SPATA18: variants seen among roughly 807,000 people sequenced by gnomAD.
The protein encoded by SPATA18 is mitochondria-eating protein.
SPATA18 carries 54 observed loss-of-function variants against 68.1 expected under a neutral mutation model. That is an observed-to-expected ratio of 0.79 (90% CI 0.64 to 0.99). The LOEUF (loss-of-function observed/expected upper bound fraction) is 0.99, where lower values mean the gene tolerates loss of function less well. Ranked by LOEUF, SPATA18 falls within the 50% of genes least tolerant of loss-of-function variation. SPATA18 has a pLI of 0.00. For synonymous variants in SPATA18, 242 were observed against 244.8 expected (o/e 0.99, Z 0.11); for missense variants, 724 against 681.1 (o/e 1.06, Z -0.70).
chr4:52,079,536 G>A (rs553829750), intron 8 of SPATA18, among the ~76,000 whole-genome samples: 1 of 152,240 alleles, frequency 6.6e-6, no homozygotes, highest in South Asian at 2.1e-4. Flanking sequence ...CTTTTACTGT[G>A]TCATTTCTAC....
At chr4:52,090,995 T>C (rs554448476) in intron 11 of SPATA18, among the ~76,000 whole-genome samples, 3 of 152,162 alleles carry the variant, frequency 2.0e-5, no homozygotes, top group African/African-American at 7.2e-5. Flanking sequence ...TTCCTTTTTA[T>C]TCTTTTTTCT....
chr4:52,076,980 G>A lies in SPATA18; in HGVS notation c.960G>A (p.Leu320=), dbSNP rs745550269. 1.9e-6 allele frequency: 3 copies of A among 1,613,556 alleles called. No individual in the cohort carries two copies. The highest frequency in any genetic ancestry group is 2.7e-5 in the African/African-American group (2 of 75,056). The change falls in exon 7 of 13, where the codon CTG becomes CTA. Residue 320 remains leucine, a synonymous_variant. Coordinates refer to ENST00000295213, the MANE Select transcript of SPATA18 (RefSeq NM_145263.4). ...AGGCCCGCCTGGACGCGCAGTGCCT[G>A]CTGCGGCGCTGCATCGACAAGGCTG... The part of the protein sequence containing the change: ...YSQARLDAQC[L]LRRCIDKAET...
intron 7 of SPATA18, among the ~76,000 whole-genome samples, chr4:52,077,655 A>G (rs1223785200): frequency 6.6e-6 from 1 of 152,142 alleles, no homozygotes; most frequent in Non-Finnish European, 1.5e-5. Flanking sequence ...ATGCACACAC[A>G]GTGGATATAT....
chr4:52,076,748 AT>A (rs778179828), intron 6 of SPATA18, 30 bp from the exon 7 acceptor site: 17 of 1,605,470 alleles, frequency 1.1e-5, no homozygotes, highest in Non-Finnish European at 1.2e-5. Flanking sequence ...AAATCAAAGG[AT>A]TTCCCTGGCT....
chr4:52,074,838 G>GGA (rs1740190390), intron 6 of SPATA18, among the ~76,000 whole-genome samples: 1 of 152,186 alleles, frequency 6.6e-6, no homozygotes, highest in African/African-American at 2.4e-5. Flanking sequence ...TTACCAGCAT[G>GGA]GAGAGAAATG....
chr4:52,079,987 A>G, intron 9 of SPATA18, 68 bp downstream of exon 9: 3 of 1,524,376 alleles, frequency 2.0e-6, no homozygotes, highest in Non-Finnish European at 2.7e-6. Flanking sequence ...TTTCCTGAAA[A>G]CAATTTAAGG....
In SPATA18 at chr4:52,077,029, A is replaced by C; in HGVS notation, c.1009A>C (p.Ile337Leu). Residue 337 changes from isoleucine (I) to leucine (L), a missense_variant, in exon 7 of 13, where the codon ATC becomes CTC. Coordinates refer to ENST00000295213, the MANE Select transcript of SPATA18 (RefSeq NM_145263.4). ...TGAGACCGTTCAGCGGATCATCTAC[A>C]TCGCCACAGTGGTATGTGACGCCTG... ...KAETVQRIIY[I>L]ATVEAFHVAK... The C allele has an allele frequency of 6.2e-7, 1 of 1,604,566 alleles. No homozygotes were observed.
chr4:52,070,989 A>G (rs1739791024), intron 5 of SPATA18, among the ~76,000 whole-genome samples: 1 of 152,086 alleles, frequency 6.6e-6, no homozygotes, highest in Non-Finnish European at 1.5e-5. Flanking sequence ...AATCTTAACT[A>G]GGAACACTGT....
intron 1 of SPATA18, among the ~76,000 whole-genome samples, chr4:52,059,260 C>T (rs750699674): frequency 9.8e-5 from 15 of 152,306 alleles, no homozygotes; most frequent in Non-Finnish European, 1.5e-4. Flanking sequence ...CTGCCTTGTA[C>T]GCTGTTTTCT....
intron 11 of SPATA18, among the ~76,000 whole-genome samples, chr4:52,088,905 C>T (rs976440327): frequency 3.3e-5 from 5 of 152,174 alleles, no homozygotes; most frequent in African/African-American, 1.2e-4. Flanking sequence ...GTGAATCCGT[C>T]TGGTCCTGGA....
chr4:52,060,545 C>T, intron 2 of SPATA18, 21 bp downstream of exon 2: 1 of 1,600,086 alleles, frequency 6.2e-7, no homozygotes, highest in Non-Finnish European at 8.6e-7. Context: ...CCTGTAATTT[C>T]CCATCCAGTT....
At chr4:52,084,392 A>C (rs1741238767) in intron 10 of SPATA18, among the ~76,000 whole-genome samples, 1 of 152,212 alleles carries the variant, frequency 6.6e-6, no homozygotes, top group South Asian at 2.1e-4. Context: ...GGAAATTTCA[A>C]GGATTTTACC....
chr4:52,059,431 T>C (rs1738640248), intron 1 of SPATA18, among the ~76,000 whole-genome samples: 1 of 152,250 alleles, frequency 6.6e-6, no homozygotes, highest in African/African-American at 2.4e-5. Flanking sequence ...TTGGCTTATG[T>C]TGAAATGGTA....
chr4:52,069,703 G>T, intron 4 of SPATA18, 118 bp from the exon 5 acceptor site: 1 of 524,712 alleles, frequency 1.9e-6, no homozygotes, highest in South Asian at 5.4e-5. Context: ...CTTTTAATTT[G>T]ATCTTGTTTA....
chr4:52,056,922 G>C (rs1005909368), intron 1 of SPATA18, among the ~76,000 whole-genome samples: 1 of 152,054 alleles, frequency 6.6e-6, no homozygotes, highest in Non-Finnish European at 1.5e-5. Flanking sequence ...CCTTAATGTG[G>C]CAAGTCAAGT....
At chr4:52,082,274 A>G (rs909115076) in intron 9 of SPATA18, 113 bp from the exon 10 acceptor site, 12 of 993,092 alleles carry the variant, frequency 1.2e-5, no homozygotes, top group East Asian at 4.8e-5. Flanking sequence ...AATTTGACCT[A>G]TATTTACTCA....
rs746357396 is a variant in SPATA18, at chr4:52,069,901, A to C, written c.503A>C (p.Asn168Thr). 6.3e-7 allele frequency: 1 copy of C among 1,591,280 alleles called. No homozygotes were observed. Among genetic ancestry groups the C allele is most frequent in the Admixed American group, 1.7e-5 (1 of 59,234 alleles). ...ISLLAAEEEI[N>T]QLKKQLKSLQ... is the part of the protein sequence containing the mutation. ...CTTTTGGCTGCAGAGGAGGAAATAA[A>C]TCAGCTGAAAAAGCAGTAAGAAAAA... Residue 168 changes from asparagine to threonine, a missense_variant, in exon 5 of 13, where the codon AAT (asparagine) becomes ACT (threonine). Transcript: ENST00000295213.
At chr4:52,062,188 T>A (rs1394644195) in intron 3 of SPATA18, 32 bp from the exon 4 acceptor site, 6 of 76,888 alleles carry the variant, frequency 7.8e-5, no homozygotes, top group Non-Finnish European at 1.1e-4. Flanking sequence ...TTCAGACTGT[T>A]TTTTTTTTTT....
chr4:52,089,073 G>A (rs1241932392), intron 11 of SPATA18, among the ~76,000 whole-genome samples: 1 of 152,162 alleles, frequency 6.6e-6, no homozygotes, highest in African/African-American at 2.4e-5. Flanking sequence ...TTTGTGAAGA[G>A]GTGTTTATAG....
Sources: gnomAD v4.1 joint callset for allele counts (sites outside exome capture counted in the v4.1 genomes callset) on GRCh38, gnomAD v4.1.1 for gene constraint, MANE v1.5 for transcripts, NCBI Gene and HGNC (gene_info 2026-07-23, HGNC 2026-07-21) for gene names.